The following DLC1 variants were observed in gnomAD, a reference collection of about 807,000 sequenced individuals.
DLC1 encodes rho GTPase-activating protein 7.
DLC1 carries 54 observed loss-of-function variants against 140.3 expected under a neutral mutation model. That is an observed-to-expected ratio of 0.38 (90% CI 0.31 to 0.48). DLC1 has a LOEUF of 0.48. DLC1 is among the 20% of genes least tolerant of loss of function. The probability of loss-of-function intolerance (pLI) is 0.96; values close to 1 mark genes in which losing one functional copy is unlikely to be tolerated. For synonymous variants in DLC1, 986 were observed against 728.1 expected (o/e 1.35, Z -5.70); for missense variants, 2,536 against 1,907.0 (o/e 1.33, Z -6.14).
At chr8:13,409,656 G>C (rs1372293049) in intron 2 of DLC1, among the ~76,000 whole-genome samples, 1 of 152,102 alleles carries the variant, frequency 6.6e-6, no homozygotes, top group Non-Finnish European at 1.5e-5. Flanking sequence ...CTTCTTGCTG[G>C]GTATATCAGA....
chr8:13,538,660 G>A (rs940838545), intron 1 of DLC1, among the ~76,000 whole-genome samples: 27 of 152,122 alleles, frequency 1.8e-4, no homozygotes, highest in Non-Finnish European at 2.9e-5. Context: ...ACTATAGTAG[G>A]GTGGGATGAA....
At chr8:13,351,659 C>T (rs1405859566) in intron 4 of DLC1, among the ~76,000 whole-genome samples, 1 of 152,170 alleles carries the variant, frequency 6.6e-6, no homozygotes. Flanking sequence ...TGCACTACAA[C>T]AGCAGAATTG....
intron 3 of DLC1, among the ~76,000 whole-genome samples, chr8:13,399,235 C>G (rs1334063830): frequency 6.6e-6 from 1 of 152,204 alleles, no homozygotes; most frequent in South Asian, 2.1e-4. Flanking sequence ...GACTGTCTGA[C>G]AACCAGGGAA....
intron 5 of DLC1, among the ~76,000 whole-genome samples, chr8:13,235,593 C>T (rs2117217178): frequency 6.6e-6 from 1 of 152,078 alleles, no homozygotes; most frequent in Non-Finnish European, 1.5e-5. Context: ...GAAAGATCCT[C>T]CTGAACTGAA....
chr8:13,314,876 A>G (rs953095784), intron 4 of DLC1, among the ~76,000 whole-genome samples: 1 of 152,366 alleles, frequency 6.6e-6, no homozygotes, highest in Admixed American at 6.5e-5. Flanking sequence ...CTTTTATTAC[A>G]GGGAGATATT....
intron 5 of DLC1, among the ~76,000 whole-genome samples, chr8:13,230,597 CTTTTTTTT>C (rs548424340): frequency 3.0e-5 from 4 of 133,728 alleles, no homozygotes; most frequent in Non-Finnish European, 4.9e-5. Flanking sequence ...TTTCTTTTTT[CTTTTTTTT>C]TTTTTTTTGG....
At chr8:13,261,219 C>G (rs1462270224) in intron 5 of DLC1, among the ~76,000 whole-genome samples, 2 of 152,120 alleles carry the variant, frequency 1.3e-5, no homozygotes, top group African/African-American at 4.8e-5. Flanking sequence ...TGACTGGCCT[C>G]TCAGTAGAGG....
intron 1 of DLC1, among the ~76,000 whole-genome samples, chr8:13,572,091 A>ATTTTT (rs773027065): frequency 1.8e-5 from 1 of 56,328 alleles, no homozygotes; most frequent in Admixed American, 2.2e-4. Context: ...TATTATTATT[A>ATTTTT]TTTATTTTTT....
chr8:13,348,122 C>G (rs539207717), intron 4 of DLC1, among the ~76,000 whole-genome samples: 1 of 151,888 alleles, frequency 6.6e-6, no homozygotes, highest in Admixed American at 6.6e-5. Context: ...AACAAACAAA[C>G]TTCCTGGAGA....
At chr8:13,594,615 C>T (rs181175390) in intron 1 of DLC1, among the ~76,000 whole-genome samples, 4 of 152,210 alleles carry the variant, frequency 2.6e-5, no homozygotes, top group Non-Finnish European at 4.4e-5. Flanking sequence ...TTCTTTTCCT[C>T]CTAAACTTCT....
At chr8:13,256,827 C>T (rs1420274486) in intron 5 of DLC1, among the ~76,000 whole-genome samples, 3 of 146,424 alleles carry the variant, frequency 2.0e-5, no homozygotes, top group Admixed American at 7.0e-5. Flanking sequence ...CACCATGGCA[C>T]GTGTATACCT....
intron 5 of DLC1, among the ~76,000 whole-genome samples, chr8:13,188,376 T>C (rs1364879696): frequency 1.6e-5 from 2 of 128,360 alleles, no homozygotes; most frequent in African/African-American, 6.0e-5. Flanking sequence ...GTAATGATTG[T>C]GCCACTGCAC....
chr8:13,143,846 G>GAGAGAGACAGAGAGAC (rs1554584126), intron 5 of DLC1, among the ~76,000 whole-genome samples: 2 of 148,388 alleles, frequency 1.3e-5, no homozygotes, highest in Non-Finnish European at 3.0e-5. Flanking sequence ...GAGAGAGAGA[G>GAGAGAGACAGAGAGAC]AGAGAGACAT....
intron 5 of DLC1, among the ~76,000 whole-genome samples, chr8:13,158,960 T>C (rs1053885841): frequency 1.3e-5 from 2 of 152,034 alleles, no homozygotes; most frequent in Admixed American, 6.6e-5. Flanking sequence ...AACCTTTGCG[T>C]TGAGATGGAC....
At chr8:13,214,977 G>T (rs1171934847) in intron 5 of DLC1, among the ~76,000 whole-genome samples, 2 of 152,060 alleles carry the variant, frequency 1.3e-5, no homozygotes, top group East Asian at 1.9e-4. Flanking sequence ...TCCAGGAGGA[G>T]TACACACACA....
At chr8:13,160,013 C>T (rs1328350437) in intron 5 of DLC1, among the ~76,000 whole-genome samples, 1 of 152,136 alleles carries the variant, frequency 6.6e-6, no homozygotes, top group African/African-American at 2.4e-5. Context: ...CAAAAATTAG[C>T]CGGGTGTCCT....
At chr8:13,303,789 G>A (rs1272228927) in intron 5 of DLC1, among the ~76,000 whole-genome samples, 2 of 152,004 alleles carry the variant, frequency 1.3e-5, no homozygotes, top group East Asian at 1.9e-4. Context: ...GCAACAGAGT[G>A]AGACTCCATC....
intron 5 of DLC1, among the ~76,000 whole-genome samples, chr8:13,240,723 G>A (rs1162545415): frequency 4.6e-5 from 7 of 152,302 alleles, no homozygotes; most frequent in South Asian, 4.1e-4. Context: ...GTGAGCCACT[G>A]CATCTGGCCT....
chr8:13,249,411 C>T (rs1829907592), intron 5 of DLC1, among the ~76,000 whole-genome samples: 1 of 152,102 alleles, frequency 6.6e-6, no homozygotes, highest in Non-Finnish European at 1.5e-5. Context: ...TGTATTGTCT[C>T]CACTGCATTA....
Sources: allele counts gnomAD v4.1 joint callset (sites outside exome capture counted in the v4.1 genomes callset), GRCh38; gene constraint gnomAD v4.1.1; transcripts MANE v1.5; gene names NCBI Gene and HGNC (gene_info 2026-07-23, HGNC 2026-07-21).